The following KIFBP variants were observed in gnomAD, a reference collection of about 807,000 sequenced individuals.
The protein encoded by KIFBP is kinesin family binding protein.
A neutral mutation model predicts 58.9 loss-of-function variants in KIFBP; 46 were observed. The ratio of observed to expected loss-of-function variants is 0.78; its 90% CI spans 0.62 to 1.00. The LOEUF is 1.00. Among genes scored for constraint, KIFBP ranks in the 50% least tolerant of loss-of-function variants. The pLI, the probability that KIFBP is intolerant of heterozygous loss-of-function variation, is 0.00. For missense variants in KIFBP, 651 were observed against 752.9 expected, an observed-to-expected ratio of 0.86 and a Z score of 1.58; for synonymous variants, 241 against 283.4, an observed-to-expected ratio of 0.85 and a Z score of 1.50.
chr10:69,008,391 A>AAATATATATATATATATATAT, intron 4 of KIFBP, among the ~76,000 whole-genome samples: 5 of 71,582 alleles, frequency 7.0e-5, no homozygotes, highest in African/African-American at 3.9e-4. Context: ...AAAAAAAAAA[A>AAATATATATATATATATATAT]ATATATATAT....
chr10:68,997,838 C>G (rs1843422971), intron 1 of KIFBP, among the ~76,000 whole-genome samples: 1 of 152,176 alleles, frequency 6.6e-6, no homozygotes, highest in Admixed American at 6.5e-5. Context: ...TAGAGACTCA[C>G]CTAGTACCAG....
At chr10:68,995,928 C>T (rs1198628307) in intron 1 of KIFBP, among the ~76,000 whole-genome samples, 1 of 151,802 alleles carries the variant, frequency 6.6e-6, no homozygotes, top group Admixed American at 6.6e-5. Context: ...GAGGCCAAGG[C>T]GGGTGGATCA....
chr10:69,005,824 G>A lies in KIFBP; in HGVS notation c.698G>A (p.Ser233Asn). The A allele has an allele frequency of 1.2e-6, 2 of 1,614,078 alleles. No individual in the cohort carries two copies. Among genetic ancestry groups the A allele is most frequent in the Non-Finnish European group, 8.5e-7 (1 of 1,180,000 alleles). ...GAGAAGGCTGCTCACTATTGCCATA[G>A]TACACTAAAACGCCAGCTTGAGCAC... ...MFEKAAHYCH[S>N]TLKRQLEHNA... Residue 233 changes from serine to asparagine, a missense_variant, in exon 4 of 7, where the codon AGT becomes AAT. By Grantham distance (46) the Ser-to-Asn change is conservative. Transcript: ENST00000361983.
rs184282356 is a variant in KIFBP at position 69,011,733 on chromosome 10, C to T, written c.990+718C>T. 2.7e-3 allele frequency among the ~76,000 whole-genome samples: 317 copies of T among 116,496 alleles called. 1 individual carries two copies. The highest frequency in any genetic ancestry group is 0.01 in the African/African-American group (309 of 30,558). 76.4% of individuals were successfully genotyped at this position (116,496 alleles called of 152,430 possible). A position where few individuals can be genotyped will look rare whatever the true frequency, so the allele number is the denominator to read the frequency against. On this transcript the variant is annotated intron_variant, in intron 6 of 6. Coordinates refer to ENST00000361983, the MANE Select transcript of KIFBP (RefSeq NM_015634.4). ...TTTTTGAGACGGAGTTTTGCTCTGT[C>T]GCCCGTGCTGGAGTGCAGTGGTGTG...
intron 4 of KIFBP, chr10:69,006,124 G>A (rs1843533334): frequency 1.8e-6 from 1 of 570,914 alleles, no homozygotes; most frequent in Non-Finnish European, 3.1e-6. Flanking sequence ...AAAATACCGA[G>A]TTTTATCATT....
At position 69,015,918 on chromosome 10, in the gene KIFBP, C is replaced by T. The variant is rs755976972; in HGVS notation, c.1368C>T (p.Pro456=). The T allele has an allele frequency of 2.6e-5, 42 of 1,614,116 alleles. No homozygotes were observed. The South Asian group carries it at 3.4e-4, about 13-fold the overall frequency. ...MHKRRIAMLE[P]LTVDLNPQYY... The stretch of plus-strand genomic sequence containing the variant: ...AACGCAGAATAGCCATGCTAGAGCC[C>T]CTAACTGTAGACCTGAATCCACAGT... The change falls in exon 7 of 7, where the codon CCC becomes CCT. Residue 456 remains proline (P), a synonymous_variant. Coordinates refer to ENST00000361983, the MANE Select transcript of KIFBP (RefSeq NM_015634.4).
At chr10:68,989,350 G>T in intron 1 of KIFBP, 92 bp downstream of exon 1, 1 of 1,398,280 alleles carries the variant, frequency 7.2e-7, no homozygotes, top group Non-Finnish European at 9.9e-7. Context: ...ACGTTGTAAG[G>T]CGCAATTCGT....
In KIFBP at chr10:69,015,524, A is replaced by ATT; in HGVS notation, c.991-9_991-8dup. 6.3e-7 allele frequency: 1 copy of ATT among 1,596,552 alleles called. No homozygotes were observed. The highest frequency in any genetic ancestry group is 8.6e-7 in the Non-Finnish European group (1 of 1,167,124). On this transcript the variant is annotated splice_polypyrimidine_tract_variant and intron_variant, in intron 6 of 6. Coordinates refer to ENST00000361983, the MANE Select transcript of KIFBP (RefSeq NM_015634.4). The stretch of plus-strand genomic sequence containing the variant: ...TGAGTGTCCTACTTAACCATAATTT[A>ATT]TTTTTTTTTCCTTCAGGACAACATA...
At chr10:68,992,549 T>G (rs1843361503) in intron 1 of KIFBP, among the ~76,000 whole-genome samples, 1 of 152,216 alleles carries the variant, frequency 6.6e-6, no homozygotes, top group Non-Finnish European at 1.5e-5. Flanking sequence ...ATGAGGAATT[T>G]TTTTGTAAAT....
intron 4 of KIFBP, among the ~76,000 whole-genome samples, chr10:69,008,391 A>AAAATATATATATATATATATATATAT: frequency 2.8e-5 from 2 of 71,614 alleles, no homozygotes; most frequent in African/African-American, 1.6e-4. Flanking sequence ...AAAAAAAAAA[A>AAAATATATATATATATATATATATAT]ATATATATAT....
intron 6 of KIFBP, 125 bp downstream of exon 6, chr10:69,011,140 C>T (rs1228798525): frequency 3.6e-5 from 26 of 712,982 alleles, no homozygotes; most frequent in Middle Eastern, 2.4e-4. Flanking sequence ...AGAATGTTTT[C>T]GTAAATATTT....
Position 68,989,054 on chromosome 10 carries a change from G to A in KIFBP, c.222G>A (p.Leu74=), listed in dbSNP as rs11554780. The change falls in exon 1 of 7, where the codon CTG becomes CTA. Residue 74 remains leucine, a synonymous_variant. Coordinates refer to ENST00000361983, the MANE Select transcript of KIFBP (RefSeq NM_015634.4). Reference sequence around the variant, plus strand: ...GCCCGGGTGCCGGTGACCACGCCCTGGGGCTGCCGGCTGAGGTGGTGGAGC... The same window carrying A: ...GCCCGGGTGCCGGTGACCACGCCCTAGGGCTGCCGGCTGAGGTGGTGGAGC... ...EDGPGAGDHA[L]GLPAEVVEPE... The A allele has an allele frequency of 6.2e-7, 1 of 1,612,782 alleles. No homozygotes were observed. Among genetic ancestry groups the A allele is most frequent in the Non-Finnish European group, 8.5e-7 (1 of 1,179,164 alleles).
chr10:68,999,221 C>G (rs66946349), intron 1 of KIFBP, among the ~76,000 whole-genome samples: 17,426 of 151,770 alleles, frequency 0.11, 1,248 homozygotes, highest in Admixed American at 0.18. Context: ...CCTCAGCCCC[C>G]CAAGCAGCTG....
At chr10:69,011,147 A>G in intron 6 of KIFBP, 132 bp downstream of exon 6, 1 of 704,714 alleles carries the variant, frequency 1.4e-6, no homozygotes, top group Non-Finnish European at 2.5e-6. Context: ...TTTCGTAAAT[A>G]TTTCTTTCTT....
intron 1 of KIFBP, among the ~76,000 whole-genome samples, chr10:68,994,082 A>T (rs555209436): frequency 6.6e-6 from 1 of 152,268 alleles, no homozygotes; most frequent in South Asian, 2.1e-4. Context: ...CCAGCTACTC[A>T]GGAGGCTGTG....
intron 6 of KIFBP, among the ~76,000 whole-genome samples, chr10:69,013,381 G>C (rs1843613884): frequency 6.6e-6 from 1 of 152,316 alleles, no homozygotes; most frequent in Non-Finnish European, 1.5e-5. Flanking sequence ...ACAGGAAGTA[G>C]GGAGAATAAC....
At chr10:69,008,391 A>AAAAAAAAAAAATATATAT in intron 4 of KIFBP, among the ~76,000 whole-genome samples, 4 of 71,612 alleles carry the variant, frequency 5.6e-5, no homozygotes, top group Admixed American at 1.8e-4. Flanking sequence ...AAAAAAAAAA[A>AAAAAAAAAAAATATATAT]ATATATATAT....
chr10:69,016,222 A>G lies in KIFBP; in HGVS notation c.1672A>G (p.Ile558Val), dbSNP rs768011424. The G allele has an allele frequency of 3.1e-6, 5 of 1,610,644 alleles. No homozygotes were observed. In the African/African-American group the frequency reaches 5.4e-5, roughly 17 times the overall value. Reference protein sequence around the residue: ...FRVARLYGKIITADPKKELEN... With the variant: ...FRVARLYGKIVTADPKKELEN... ...AGTTGCCCGTCTCTATGGCAAAATCATTACTGCAGATCCCAAGAAAGAGCT... is the reference window on the plus strand; with the variant it reads ...AGTTGCCCGTCTCTATGGCAAAATCGTTACTGCAGATCCCAAGAAAGAGCT... The change falls in exon 7 of 7, where the codon ATT becomes GTT. Residue 558 changes from isoleucine (I) to valine (V), a missense_variant. Transcript: ENST00000361983.
intron 2 of KIFBP, among the ~76,000 whole-genome samples, chr10:69,000,978 G>A (rs1843459720): frequency 6.6e-6 from 1 of 152,122 alleles, no homozygotes; most frequent in South Asian, 2.1e-4. Flanking sequence ...GGGCATCCAG[G>A]CTCTGATTTA....
Sources: gnomAD v4.1 joint callset for allele counts (sites outside exome capture counted in the v4.1 genomes callset) on GRCh38, gnomAD v4.1.1 for gene constraint, MANE v1.5 for transcripts, NCBI Gene and HGNC (gene_info 2026-07-23, HGNC 2026-07-21) for gene names.